The following IFT56 variants were observed in gnomAD, a reference collection of about 807,000 sequenced individuals.
IFT56 encodes intraflagellar transport protein 56.
At chr7:139,141,836 A>G in the IFT56 span, among the ~76,000 whole-genome samples, 1 of 152,190 alleles carries the variant, frequency 6.6e-6, no homozygotes, top group Non-Finnish European at 1.5e-5. Flanking sequence ...GGAAAAGGAG[A>G]TATCAGAAGG....
chr7:139,182,087 G>GGT, the IFT56 span, among the ~76,000 whole-genome samples: 2 of 151,958 alleles, frequency 1.3e-5, no homozygotes, highest in Non-Finnish European at 2.9e-5. Flanking sequence ...TGCATGCTGG[G>GGT]GTGTGTGTGT....
the IFT56 span, chr7:139,181,319 T>G: frequency 1.5e-6 from 1 of 662,264 alleles, no homozygotes. Flanking sequence ...ATTCACGTAG[T>G]GTTATAAGAG....
At chr7:139,173,087 C>T in the IFT56 span, 1 of 729,744 alleles carries the variant, frequency 1.4e-6, no homozygotes. Flanking sequence ...GTGGCTGGTT[C>T]ACTAATGGTT....
chr7:139,191,482 G>A, the IFT56 span: 1 of 152,090 alleles, frequency 6.6e-6, no homozygotes, highest in South Asian at 2.1e-4. Flanking sequence ...TTTTCAAATT[G>A]CCTATAGTCA....
chr7:139,187,891 T>C, the IFT56 span, among the ~76,000 whole-genome samples: 6 of 152,078 alleles, frequency 3.9e-5, no homozygotes, highest in East Asian at 1.2e-3. Context: ...TTCTACTCTT[T>C]TGGGTTTTTT....
the IFT56 span, chr7:139,168,308 A>G: frequency 6.9e-7 from 1 of 1,450,058 alleles, no homozygotes; most frequent in South Asian, 1.3e-5. Flanking sequence ...TCATAGCTCC[A>G]CATTCCTCTT....
At chr7:139,178,637 C>A in the IFT56 span, 15 of 1,529,350 alleles carry the variant, frequency 9.8e-6, no homozygotes, top group Admixed American at 8.4e-5. Context: ...ATGATTCTAT[C>A]TAAAAACATC....
chr7:139,136,644 T>A, the IFT56 span, among the ~76,000 whole-genome samples: 1 of 152,088 alleles, frequency 6.6e-6, no homozygotes, highest in Admixed American at 6.5e-5. Context: ...TATTTGTGTG[T>A]GTGTGTGGAG....
At chr7:139,179,784 C>T in the IFT56 span, 17 of 669,120 alleles carry the variant, frequency 2.5e-5, no homozygotes, top group African/African-American at 5.5e-5. Context: ...TGAAATTAAG[C>T]GTTGTTAATG....
chr7:139,181,130 T>C, the IFT56 span: 1 of 1,612,630 alleles, frequency 6.2e-7, no homozygotes. Flanking sequence ...CTGGGAACTT[T>C]ATCTTAAGAT....
chr7:139,163,375 T>G, the IFT56 span, among the ~76,000 whole-genome samples: 110 of 151,012 alleles, frequency 7.3e-4, no homozygotes, highest in Non-Finnish European at 1.3e-3. Flanking sequence ...GAAAGTGGCA[T>G]TGTTGTTATT....
chr7:139,146,847 G>T, the IFT56 span: 1 of 428,606 alleles, frequency 2.3e-6, no homozygotes, highest in Non-Finnish European at 4.0e-6. Context: ...GACAGAAAAA[G>T]AAAAGGAAAG....
chr7:139,182,399 G>C, the IFT56 span, among the ~76,000 whole-genome samples: 3 of 152,114 alleles, frequency 2.0e-5, no homozygotes, highest in Non-Finnish European at 4.4e-5. Context: ...TGACTTGGTG[G>C]GTGGCAATGC....
chr7:139,166,990 A>AG, the IFT56 span: 9 of 753,502 alleles, frequency 1.2e-5, no homozygotes, highest in Non-Finnish European at 1.9e-5. Context: ...AAGATTAGGC[A>AG]GACTCCTGCC....
chr7:139,153,174 C>T, the IFT56 span, among the ~76,000 whole-genome samples: 2 of 151,070 alleles, frequency 1.3e-5, no homozygotes, highest in African/African-American at 4.9e-5. Context: ...AAGAAATGGC[C>T]GGGCGCAGTG....
chr7:139,137,703 G>A, the IFT56 span: 2 of 584,940 alleles, frequency 3.4e-6, no homozygotes, highest in South Asian at 4.6e-5. Context: ...TGTCCTGTAG[G>A]TATAGGTTTA....
chr7:139,134,691 G>T, the IFT56 span: 1 of 1,613,922 alleles, frequency 6.2e-7, no homozygotes. Flanking sequence ...AGGCAGAGGC[G>T]TACAGCACAC....
chr7:139,174,331 T>C, the IFT56 span: 1 of 545,002 alleles, frequency 1.8e-6, no homozygotes, highest in South Asian at 1.4e-5. Flanking sequence ...GGAGGAGAGA[T>C]TTAACATGAA....
At chr7:139,173,591 T>C in the IFT56 span, 1 of 820,186 alleles carries the variant, frequency 1.2e-6, no homozygotes, top group Non-Finnish European at 2.2e-6. Context: ...GAGAGTGTAA[T>C]CAAAGGTTAT....
Sources: allele counts gnomAD v4.1 joint callset (sites outside exome capture counted in the v4.1 genomes callset), GRCh38; gene constraint gnomAD v4.1.1; transcripts MANE v1.5; gene names NCBI Gene and HGNC (gene_info 2026-07-23, HGNC 2026-07-21).